The following TMEM132C variants were observed in gnomAD, a reference collection of about 807,000 sequenced individuals.
TMEM132C encodes the protein protein phosphatase 1, regulatory subunit 152.
Under a neutral mutation model 61.4 loss-of-function variants are expected in TMEM132C, and 29 were observed. That is an observed-to-expected ratio of 0.47 (90% CI 0.35 to 0.64). The LOEUF (loss-of-function observed/expected upper bound fraction) is 0.64. Ranked by LOEUF, TMEM132C falls within the 30% of genes least tolerant of loss-of-function variation. TMEM132C has a pLI of 0.00. For synonymous variants in TMEM132C, 656 were observed against 633.1 expected (o/e 1.04, Z -0.54); for missense variants, 1,408 against 1,476.9 (o/e 0.95, Z 0.76).
intron 1 of TMEM132C, among the ~76,000 whole-genome samples, chr12:128,333,770 G>T (rs1369496968): frequency 6.6e-6 from 1 of 150,898 alleles, no homozygotes; most frequent in Non-Finnish European, 1.5e-5. Context: ...AGAGTTTGTG[G>T]TATGTATGGT....
At chr12:128,546,947 C>T (rs1228601921) in intron 3 of TMEM132C, among the ~76,000 whole-genome samples, 1 of 152,168 alleles carries the variant, frequency 6.6e-6, no homozygotes. Flanking sequence ...TCCATTCAGT[C>T]CTGAGTCTTT....
intron 1 of TMEM132C, among the ~76,000 whole-genome samples, chr12:128,315,953 C>T (rs934581669): frequency 1.3e-5 from 2 of 151,758 alleles, no homozygotes; most frequent in African/African-American, 4.8e-5. Context: ...TGTGGACCTG[C>T]CGACACCGTG....
At chr12:128,504,355 G>A (rs1390769230) in intron 2 of TMEM132C, among the ~76,000 whole-genome samples, 1 of 152,162 alleles carries the variant, frequency 6.6e-6, no homozygotes, top group Non-Finnish European at 1.5e-5. Flanking sequence ...GCTATCAATG[G>A]GAAGAATGTC....
chr12:128,435,486 A>G (rs1221826408), intron 2 of TMEM132C, among the ~76,000 whole-genome samples: 1 of 152,222 alleles, frequency 6.6e-6, no homozygotes. Flanking sequence ...AGAAATCACA[A>G]GCATTCTTAT....
chr12:128,415,849 C>A lies in TMEM132C; in HGVS notation c.974+229C>A, dbSNP rs1433957484. Among the ~76,000 whole-genome samples, 1 of 152,122 alleles carries A rather than the reference C, an allele frequency of 6.6e-6. No individual in the cohort carries two copies. The highest frequency in any genetic ancestry group is 1.5e-5 in the Non-Finnish European group (1 of 68,018). On this transcript the variant is annotated intron_variant, in intron 2 of 8. Transcript: ENST00000435159. The surrounding 1 kb of genome is among the most constrained non-coding windows in gnomAD (Gnocchi z 5.8). Reference sequence around the variant, plus strand: ...GGCAAAGGGCGGGCAGAAATTATTTCCAAAAGGAGCAAGATGAGAGTAATC... The same window carrying A: ...GGCAAAGGGCGGGCAGAAATTATTTACAAAAGGAGCAAGATGAGAGTAATC...
intron 2 of TMEM132C, among the ~76,000 whole-genome samples, chr12:128,449,916 G>A (rs1870123644): frequency 1.3e-5 from 2 of 152,228 alleles, no homozygotes; most frequent in Admixed American, 1.3e-4. Flanking sequence ...AGTTTAACAT[G>A]CAATAGATGC....
At chr12:128,331,450 A>G in intron 1 of TMEM132C, among the ~76,000 whole-genome samples, 1 of 152,108 alleles carries the variant, frequency 6.6e-6, no homozygotes, top group Middle Eastern at 3.2e-3. Context: ...TTCCTTGTCT[A>G]TGATTCCACT....
At chr12:128,444,843 T>C (rs566655399) in intron 2 of TMEM132C, among the ~76,000 whole-genome samples, 1 of 152,280 alleles carries the variant, frequency 6.6e-6, no homozygotes, top group African/African-American at 2.4e-5. Context: ...CAATTAACTC[T>C]GTGAGGAACG....
At chr12:128,330,186 A>G (rs2135944208) in intron 1 of TMEM132C, among the ~76,000 whole-genome samples, 1 of 152,254 alleles carries the variant, frequency 6.6e-6, no homozygotes, top group Admixed American at 6.5e-5. Context: ...GTACACACCT[A>G]TGCACGTGAT....
At chr12:128,623,712 A>G (rs11059797) in intron 4 of TMEM132C, among the ~76,000 whole-genome samples, 39,064 of 151,808 alleles carry the variant, frequency 0.26, 9,905 homozygotes, top group African/African-American at 0.66. Context: ...GGAGGCTGAG[A>G]CAGGAGAATC....
intron 1 of TMEM132C, among the ~76,000 whole-genome samples, chr12:128,339,479 C>T (rs567798742): frequency 6.6e-6 from 1 of 151,924 alleles, no homozygotes; most frequent in Non-Finnish European, 1.5e-5. Context: ...CTGTTCTGTT[C>T]GGTTCAAGCT....
At chr12:128,603,612 A>G (rs1194519786) in intron 3 of TMEM132C, among the ~76,000 whole-genome samples, 1 of 152,024 alleles carries the variant, frequency 6.6e-6, no homozygotes, top group East Asian at 1.9e-4. Context: ...CAGTCTACAG[A>G]TTACTTTATA....
intron 2 of TMEM132C, among the ~76,000 whole-genome samples, chr12:128,426,229 T>G (rs542676968): frequency 8.5e-5 from 13 of 152,356 alleles, no homozygotes; most frequent in African/African-American, 2.9e-4. Flanking sequence ...CTGAGCACAG[T>G]CTGCATGCAT....
chr12:128,620,270 C>T (rs1396882591), intron 4 of TMEM132C, among the ~76,000 whole-genome samples: 1 of 149,962 alleles, frequency 6.7e-6, no homozygotes, highest in African/African-American at 2.5e-5. Flanking sequence ...AAACAAGCAG[C>T]AGAATTCATT....
chr12:128,631,457 C>A (rs1954064536), intron 4 of TMEM132C, among the ~76,000 whole-genome samples: 1 of 152,184 alleles, frequency 6.6e-6, no homozygotes, highest in African/African-American at 2.4e-5. Context: ...TCTCTTCACC[C>A]TTTAGTGTGG....
intron 3 of TMEM132C, among the ~76,000 whole-genome samples, chr12:128,600,584 G>A (rs916635085): frequency 6.6e-6 from 1 of 152,154 alleles, no homozygotes; most frequent in Admixed American, 6.5e-5. Flanking sequence ...CTTTGCAGCT[G>A]GGCACCACAG....
At chr12:128,699,521 G>C (rs4423252) in intron 8 of TMEM132C, among the ~76,000 whole-genome samples, 151,290 of 152,310 alleles carry the variant, frequency 0.99, 75,154 homozygotes, top group East Asian at 1. Context: ...TTCCTTCTCA[G>C]TCCCCACCCT....
At chr12:128,544,929 C>T (rs887330036) in intron 3 of TMEM132C, among the ~76,000 whole-genome samples, 1 of 152,104 alleles carries the variant, frequency 6.6e-6, no homozygotes, top group Non-Finnish European at 1.5e-5. Context: ...ACCAACCATG[C>T]CTGTATTTTA....
chr12:128,444,402 G>A (rs141057435), intron 2 of TMEM132C, among the ~76,000 whole-genome samples: 4 of 152,302 alleles, frequency 2.6e-5, no homozygotes, highest in East Asian at 3.9e-4. Flanking sequence ...GGAAGGCTCC[G>A]GATGGAGCAA....
Sources: gnomAD v4.1 joint callset for allele counts (sites outside exome capture counted in the v4.1 genomes callset) on GRCh38, gnomAD v4.1.1 for gene constraint, Gnocchi (gnomAD v3.1) non-coding constraint, MANE v1.5 for transcripts, NCBI Gene and HGNC (gene_info 2026-07-23, HGNC 2026-07-21) for gene names.